The following SHISA9 variants were observed in gnomAD, a reference collection of about 807,000 sequenced individuals.
SHISA9 encodes shisa family member 9, also known as protein shisa-9.
Under a neutral mutation model 38.0 loss-of-function variants are expected in SHISA9, and 13 were observed. That is an observed-to-expected ratio of 0.34 (90% CI 0.22 to 0.54). The LOEUF (loss-of-function observed/expected upper bound fraction) is 0.54, where lower values mean the gene tolerates loss of function less well. SHISA9 is among the 20% of genes least tolerant of loss of function. The pLI, the probability that SHISA9 is intolerant of heterozygous loss-of-function variation, is 0.91. For missense variants in SHISA9, 538 were observed against 575.8 expected, an observed-to-expected ratio of 0.93 and a Z score of 0.67; for synonymous variants, 275 against 242.0, an observed-to-expected ratio of 1.14 and a Z score of -1.27.
chr16:13,168,390 A>G (rs891878234), intron 2 of SHISA9, among the ~76,000 whole-genome samples: 1 of 152,180 alleles, frequency 6.6e-6, no homozygotes, highest in African/African-American at 2.4e-5. Flanking sequence ...ATGCCATCCA[A>G]ACCTATGGCC....
At chr16:13,376,156 C>T in the SHISA9 span, among the ~76,000 whole-genome samples, 7 of 152,178 alleles carry the variant, frequency 4.6e-5, no homozygotes, top group Admixed American at 4.6e-4. Context: ...CATAATTGTT[C>T]CACATCATTT....
At chr16:12,971,839 G>C (rs2072087133) in intron 2 of SHISA9, among the ~76,000 whole-genome samples, 1 of 152,106 alleles carries the variant, frequency 6.6e-6, no homozygotes, top group Non-Finnish European at 1.5e-5. Context: ...TCAGTGTTTA[G>C]CTCAATTTTA....
At chr16:13,114,767 A>C (rs1416016634) in intron 2 of SHISA9, among the ~76,000 whole-genome samples, 1 of 152,238 alleles carries the variant, frequency 6.6e-6, no homozygotes, top group South Asian at 2.1e-4. Context: ...TTATGTGTCC[A>C]TAATCTGTAT....
intron 2 of SHISA9, among the ~76,000 whole-genome samples, chr16:13,116,027 AT>A (rs2074027952): frequency 6.6e-6 from 1 of 152,140 alleles, no homozygotes; most frequent in Non-Finnish European, 1.5e-5. Context: ...TTAATTCTTC[AT>A]TCTGCCTTAT....
intron 2 of SHISA9, among the ~76,000 whole-genome samples, chr16:13,135,040 G>T (rs540494522): frequency 5.9e-5 from 9 of 152,224 alleles, no homozygotes; most frequent in Admixed American, 2.0e-4. Flanking sequence ...CAATTCACTG[G>T]CCAAAGCAAG....
rs1227273846 is a variant in SHISA9 at position 13,236,106 on chromosome 16, T to A, written c.*697T>A. 1.3e-5 allele frequency: 2 copies of A among 151,878 alleles called. No homozygotes were observed. Among genetic ancestry groups the A allele is most frequent in the Non-Finnish European group, 2.9e-5 (2 of 68,036 alleles). 9.4% of individuals were successfully genotyped at this position (151,878 alleles called of 1,614,324 possible). On this transcript the variant is annotated 3_prime_UTR_variant, in exon 5 of 5. Coordinates refer to ENST00000558583, the MANE Select transcript of SHISA9 (RefSeq NM_001145204.3). ...AAACTCACAGAAAGTAAATAGACCC[T>A]GAACCCACCGACAATGATGGGAAGG...
chr16:13,353,640 C>A, the SHISA9 span, among the ~76,000 whole-genome samples: 2,466 of 151,238 alleles, frequency 0.016, 33 homozygotes, highest in Middle Eastern at 0.037. Flanking sequence ...GGCCTAATAA[C>A]AAGGAGCGTC....
At chr16:13,202,366 C>T (rs2051014306) in intron 2 of SHISA9, among the ~76,000 whole-genome samples, 1 of 132,532 alleles carries the variant, frequency 7.5e-6, no homozygotes, top group African/African-American at 3.0e-5. Context: ...ATTATAACAA[C>T]CCTCCTTCCT....
At chr16:13,094,889 T>C (rs951260590) in intron 2 of SHISA9, among the ~76,000 whole-genome samples, 3 of 152,200 alleles carry the variant, frequency 2.0e-5, no homozygotes, top group Non-Finnish European at 4.4e-5. Context: ...GAGACAGTAA[T>C]TTAGCTGTGT....
chr16:12,984,101 C>G (rs896926535), intron 2 of SHISA9, among the ~76,000 whole-genome samples: 9 of 152,104 alleles, frequency 5.9e-5, no homozygotes, highest in African/African-American at 2.2e-4. Context: ...TACATGTAAT[C>G]CCAGGTTTTT....
chr16:13,053,203 T>C (rs552968276), intron 2 of SHISA9, among the ~76,000 whole-genome samples: 1 of 152,130 alleles, frequency 6.6e-6, no homozygotes, highest in African/African-American at 2.4e-5. Flanking sequence ...CCTCCGGTGA[T>C]CCGCCCACCT....
the SHISA9 span, among the ~76,000 whole-genome samples, chr16:13,535,779 C>G: frequency 6.6e-6 from 1 of 152,164 alleles, no homozygotes; most frequent in African/African-American, 2.4e-5. Context: ...GGACACAAAT[C>G]ATATCTTACA....
chr16:13,368,332 C>A, the SHISA9 span, among the ~76,000 whole-genome samples: 3 of 152,078 alleles, frequency 2.0e-5, no homozygotes, highest in Non-Finnish European at 4.4e-5. Context: ...TACTTCTCCA[C>A]GGGGGTTCAA....
the SHISA9 span, among the ~76,000 whole-genome samples, chr16:13,263,290 C>T: frequency 2.0e-5 from 3 of 152,122 alleles, no homozygotes; most frequent in African/African-American, 7.2e-5. Context: ...GTCTGTGTCC[C>T]CACCCAAATC....
chr16:13,302,588 G>A, the SHISA9 span, among the ~76,000 whole-genome samples: 1 of 152,146 alleles, frequency 6.6e-6, no homozygotes, highest in Non-Finnish European at 1.5e-5. Context: ...GATCCCAGCT[G>A]TGCCACTCCT....
chr16:13,223,025 T>C (rs951712504), intron 4 of SHISA9, among the ~76,000 whole-genome samples: 8 of 152,196 alleles, frequency 5.3e-5, no homozygotes, highest in Non-Finnish European at 2.9e-5. Context: ...GGCCTGGTTA[T>C]TTTAGTTTCA....
intron 2 of SHISA9, among the ~76,000 whole-genome samples, chr16:13,068,021 G>A (rs545519238): frequency 6.6e-6 from 1 of 152,172 alleles, no homozygotes; most frequent in Non-Finnish European, 1.5e-5. Flanking sequence ...CGGCTGGCTG[G>A]GATGGGGCCA....
At chr16:13,312,405 C>T in the SHISA9 span, among the ~76,000 whole-genome samples, 1 of 152,218 alleles carries the variant, frequency 6.6e-6, no homozygotes, top group South Asian at 2.1e-4. Context: ...TCCTCCTGTC[C>T]CCCCCTCAGT....
chr16:13,424,957 A>T, the SHISA9 span, among the ~76,000 whole-genome samples: 1 of 152,194 alleles, frequency 6.6e-6, no homozygotes, highest in Non-Finnish European at 1.5e-5. Flanking sequence ...TCATCATAAC[A>T]TCCAAATAAA....
Sources: gnomAD v4.1 joint callset for allele counts (sites outside exome capture counted in the v4.1 genomes callset) on GRCh38, gnomAD v4.1.1 for gene constraint, MANE v1.5 for transcripts, NCBI Gene and HGNC (gene_info 2026-07-23, HGNC 2026-07-21) for gene names.